Variants in NTM observed in about 807,000 individuals in gnomAD.
NTM encodes neurotrimin.
In NTM, 13 loss-of-function variants were observed where a neutral mutation model predicts 42.1. The ratio of observed to expected loss-of-function variants is 0.31; its 90% CI spans 0.20 to 0.49. The LOEUF is 0.49. Among genes scored for constraint, NTM ranks in the 20% least tolerant of loss-of-function variants. The probability of loss-of-function intolerance (pLI) is 0.99; values close to 1 mark genes in which losing one functional copy is unlikely to be tolerated. For missense variants in NTM, 373 were observed against 452.8 expected, an observed-to-expected ratio of 0.82 and a Z score of 1.60; for synonymous variants, 187 against 179.2, an observed-to-expected ratio of 1.04 and a Z score of -0.35.
rs563311067 is a variant in NTM at position 131,457,527 on chromosome 11, G to A, written c.82+86639G>A. 2.6e-5 allele frequency among the ~76,000 whole-genome samples: 4 copies of A among 152,246 alleles called. No homozygotes were observed. The East Asian group carries it at 5.8e-4, about 22-fold the overall frequency. ...GCCACTGGGGGTTATTCCATTTGCC[G>A]AAAGGAAGATGATTAAGGGAAGAGG... On this transcript the variant is annotated intron_variant, in intron 1 of 8. Coordinates refer to ENST00000683400, the MANE Select transcript of NTM (RefSeq NM_001352005.2).
At chr11:131,568,488 C>T (rs2057117939) in intron 1 of NTM, among the ~76,000 whole-genome samples, 1 of 152,186 alleles carries the variant, frequency 6.6e-6, no homozygotes, top group Non-Finnish European at 1.5e-5. Context: ...GAGAAATTCT[C>T]CTAGTCTCAT....
intron 1 of NTM, among the ~76,000 whole-genome samples, chr11:131,768,861 A>G (rs2085572279): frequency 6.6e-6 from 1 of 152,266 alleles, no homozygotes; most frequent in African/African-American, 2.4e-5. Context: ...CCGTGGGTCC[A>G]GAGTCCAGGC....
At chr11:131,551,949 A>G (rs2054720134) in intron 1 of NTM, among the ~76,000 whole-genome samples, 1 of 152,180 alleles carries the variant, frequency 6.6e-6, no homozygotes. Flanking sequence ...ACACAGTTCC[A>G]CAGTTGGTAA....
intron 2 of NTM, among the ~76,000 whole-genome samples, chr11:131,957,756 G>A (rs1292394805): frequency 3.3e-5 from 5 of 152,080 alleles, no homozygotes; most frequent in South Asian, 2.1e-4. Context: ...TCTTATCCTC[G>A]TTTCCTGATC....
rs576464676 is a variant in NTM at position 131,823,448 on chromosome 11, G to A, written c.83-88116G>A. ...AGCTCACCTGGCCCACCAGAGACGC[G>A]GCTCAGACCCTGGTTGAATTAAGGA... On this transcript the variant is annotated intron_variant, in intron 1 of 8. Transcript: ENST00000683400. 4.1e-4 allele frequency among the ~76,000 whole-genome samples: 62 copies of A among 152,168 alleles called. 1 individual carries two copies. In the East Asian group the frequency reaches 5.4e-3, roughly 13 times the overall value.
intron 4 of NTM, among the ~76,000 whole-genome samples, chr11:132,236,021 C>CACACACACAT (rs71477750): frequency 0.084 from 12,679 of 150,822 alleles, 637 homozygotes; most frequent in Middle Eastern, 0.13. Context: ...CACACACACA[C>CACACACACAT]AACAAAATTG....
chr11:131,395,683 G>A (rs995788179), intron 1 of NTM, among the ~76,000 whole-genome samples: 2 of 152,168 alleles, frequency 1.3e-5, no homozygotes, highest in African/African-American at 4.8e-5. Context: ...ATTCACCTCT[G>A]TAATGCTCCT....
chr11:131,703,464 G>A (rs2076271588), intron 1 of NTM, among the ~76,000 whole-genome samples: 1 of 152,180 alleles, frequency 6.6e-6, no homozygotes, highest in Non-Finnish European at 1.5e-5. Context: ...ATAAATAATG[G>A]ATGAAAGACT....
chr11:131,867,842 G>A (rs865869996), intron 1 of NTM, among the ~76,000 whole-genome samples: 1 of 152,146 alleles, frequency 6.6e-6, no homozygotes, highest in African/African-American at 2.4e-5. Flanking sequence ...CACAGGCCAC[G>A]GAACCCCACC....
chr11:131,784,346 A>C (rs1203481556), intron 1 of NTM, among the ~76,000 whole-genome samples: 1 of 152,236 alleles, frequency 6.6e-6, no homozygotes, highest in African/African-American at 2.4e-5. Flanking sequence ...ATACTAATTC[A>C]AATGCTCATC....
At chr11:132,135,253 A>G (rs73034302) in intron 2 of NTM, among the ~76,000 whole-genome samples, 10,344 of 152,194 alleles carry the variant, frequency 0.068, 439 homozygotes, top group East Asian at 0.13. Flanking sequence ...GGCAGGGCTC[A>G]CCTGTGGTTG....
chr11:131,733,644 T>G (rs377448969), intron 1 of NTM, among the ~76,000 whole-genome samples: 2 of 152,098 alleles, frequency 1.3e-5, no homozygotes, highest in African/African-American at 4.8e-5. Flanking sequence ...CAAGTGATTC[T>G]CCTGCCTAAG....
chr11:131,389,409 G>T (rs2135577188), intron 1 of NTM, among the ~76,000 whole-genome samples: 1 of 152,320 alleles, frequency 6.6e-6, no homozygotes, highest in East Asian at 1.9e-4. Context: ...CGGCAGCCTG[G>T]CGGGCGGCAG....
At chr11:132,246,838 C>A (rs961690159) in intron 4 of NTM, among the ~76,000 whole-genome samples, 1 of 152,196 alleles carries the variant, frequency 6.6e-6, no homozygotes, top group African/African-American at 2.4e-5. Flanking sequence ...GAGAACAAAG[C>A]TCAGCATCCA....
intron 1 of NTM, among the ~76,000 whole-genome samples, chr11:131,731,268 T>G (rs1337285312): frequency 6.6e-6 from 1 of 152,142 alleles, no homozygotes; most frequent in East Asian, 1.9e-4. Context: ...TACCTTCTCT[T>G]CATTATGTTC....
chr11:131,477,795 C>T (rs1028991261), intron 1 of NTM, among the ~76,000 whole-genome samples: 1 of 151,700 alleles, frequency 6.6e-6, no homozygotes, highest in Non-Finnish European at 1.5e-5. Flanking sequence ...ACTCCCTGCT[C>T]TCCATCCTGT....
intron 1 of NTM, among the ~76,000 whole-genome samples, chr11:131,528,462 G>A (rs559155408): frequency 6.6e-6 from 1 of 152,306 alleles, no homozygotes; most frequent in African/African-American, 2.4e-5. Context: ...ATAGAAGCTA[G>A]GGGATGTTAA....
chr11:132,316,551 C>A (rs1231831719), intron 7 of NTM, among the ~76,000 whole-genome samples: 1 of 152,048 alleles, frequency 6.6e-6, no homozygotes, highest in Non-Finnish European at 1.5e-5. Flanking sequence ...GAGTGGGGTA[C>A]ATGTGGGGAT....
chr11:131,551,110 A>T (rs2054606419), intron 1 of NTM, among the ~76,000 whole-genome samples: 4 of 152,188 alleles, frequency 2.6e-5, no homozygotes, highest in Admixed American at 2.6e-4. Flanking sequence ...GGCTCAAGCA[A>T]TCCTTTTGCC....
Sources: allele counts gnomAD v4.1 joint callset (sites outside exome capture counted in the v4.1 genomes callset), GRCh38; gene constraint gnomAD v4.1.1; transcripts MANE v1.5; gene names NCBI Gene and HGNC (gene_info 2026-07-23, HGNC 2026-07-21).